GULP1: variants seen among roughly 807,000 people sequenced by gnomAD.
GULP1 encodes GULP PTB domain containing engulfment adaptor 1.
Under a neutral mutation model 40.9 loss-of-function variants are expected in GULP1, and 19 were observed. The ratio of observed to expected loss-of-function variants is 0.46; its 90% CI spans 0.32 to 0.68. The LOEUF is 0.68. Ranked by LOEUF, GULP1 falls within the 30% of genes least tolerant of loss-of-function variation. The pLI is 0.03. For missense variants in GULP1, 312 were observed against 362.2 expected (o/e 0.86, Z 1.12); for synonymous variants, 119 against 117.6 (o/e 1.01, Z -0.08).
intron 2 of GULP1, among the ~76,000 whole-genome samples, chr2:188,474,944 C>T (rs1326608725): frequency 6.6e-6 from 1 of 152,110 alleles, no homozygotes; most frequent in Non-Finnish European, 1.5e-5. Flanking sequence ...AGTCAATTTA[C>T]ATAGAATTGT....
At chr2:188,477,615 C>T (rs2061118257) in intron 2 of GULP1, 44 bp from the exon 3 acceptor site, 1 of 997,836 alleles carries the variant, frequency 1.0e-6, no homozygotes, top group South Asian at 1.5e-5. Context: ...AGAGGTCAGT[C>T]AACAGTCCTT....
intron 6 of GULP1, among the ~76,000 whole-genome samples, chr2:188,535,436 A>C (rs1185626566): frequency 6.6e-6 from 1 of 152,088 alleles, no homozygotes; most frequent in East Asian, 1.9e-4. Context: ...GAGAATATGC[A>C]GTATTTGTTT....
chr2:188,382,747 A>G (rs2049161557), intron 1 of GULP1, among the ~76,000 whole-genome samples: 1 of 152,138 alleles, frequency 6.6e-6, no homozygotes, highest in Non-Finnish European at 1.5e-5. Context: ...TTAGCCGGGC[A>G]TGATGCCACA....
intron 1 of GULP1, among the ~76,000 whole-genome samples, chr2:188,325,385 T>C (rs1305174371): frequency 6.6e-6 from 1 of 152,078 alleles, no homozygotes; most frequent in Non-Finnish European, 1.5e-5. Flanking sequence ...CTGTTGTTAC[T>C]TCATGCCTTG....
chr2:188,481,224 CATTTTCATATATCTAATACCTTCT>C (rs1490034925), intron 3 of GULP1, among the ~76,000 whole-genome samples: 1 of 151,940 alleles, frequency 6.6e-6, no homozygotes, highest in Non-Finnish European at 1.5e-5. Context: ...CATTTCTGCA[CATTTTCATATATCTAATACCTTCT>C]ATGAACACAT....
At chr2:188,416,056 G>C (rs1460158998) in intron 2 of GULP1, among the ~76,000 whole-genome samples, 1 of 152,068 alleles carries the variant, frequency 6.6e-6, no homozygotes, top group Non-Finnish European at 1.5e-5. Context: ...AGAATAAAGT[G>C]GGAATATACT....
intron 7 of GULP1, among the ~76,000 whole-genome samples, chr2:188,543,536 T>C (rs1004550571): frequency 9.9e-5 from 15 of 152,254 alleles, no homozygotes; most frequent in African/African-American, 3.4e-4. Context: ...ATAACACTGA[T>C]ATTATATGTA....
chr2:188,519,952 C>T (rs927202825), intron 4 of GULP1, among the ~76,000 whole-genome samples: 1 of 152,180 alleles, frequency 6.6e-6, no homozygotes, highest in Admixed American at 6.5e-5. Context: ...ATCGTAACCA[C>T]TGCACCTGGC....
intron 1 of GULP1, among the ~76,000 whole-genome samples, chr2:188,307,678 G>A (rs1156938502): frequency 6.6e-6 from 1 of 152,064 alleles, no homozygotes; most frequent in Admixed American, 6.6e-5. Flanking sequence ...GTTTTGATTT[G>A]CATTCTTCTT....
intron 2 of GULP1, among the ~76,000 whole-genome samples, chr2:188,391,488 A>T (rs2152551548): frequency 6.6e-6 from 1 of 152,212 alleles, no homozygotes; most frequent in South Asian, 2.1e-4. Context: ...GAATTTGTTT[A>T]TCAAATCTAG....
At chr2:188,467,540 A>G (rs2060226350) in intron 2 of GULP1, among the ~76,000 whole-genome samples, 2 of 152,074 alleles carry the variant, frequency 1.3e-5, no homozygotes, top group Admixed American at 6.6e-5. Flanking sequence ...GTCATCTAGG[A>G]GAATTTCTCC....
chr2:188,450,086 A>C (rs1159479229), intron 2 of GULP1, among the ~76,000 whole-genome samples: 4 of 152,218 alleles, frequency 2.6e-5, no homozygotes, highest in Non-Finnish European at 5.9e-5. Context: ...TTAATAATGT[A>C]CATGATATGA....
At chr2:188,328,446 A>G (rs1183673056) in intron 1 of GULP1, among the ~76,000 whole-genome samples, 1 of 152,070 alleles carries the variant, frequency 6.6e-6, no homozygotes, top group Non-Finnish European at 1.5e-5. Flanking sequence ...TTAATGCCAT[A>G]TTATCCTGGT....
chr2:188,298,847 C>G (rs10171583), intron 1 of GULP1, among the ~76,000 whole-genome samples: 1 of 152,096 alleles, frequency 6.6e-6, no homozygotes, highest in Non-Finnish European at 1.5e-5. Context: ...AGTAAATGCT[C>G]GGTGCTGCCA....
rs140819277 is a variant in GULP1 at position 188,441,937 on chromosome 2, A to T, written c.-44-35722A>T. 5.5e-3 allele frequency among the ~76,000 whole-genome samples: 844 copies of T among 152,314 alleles called. 4 individuals are homozygous for T. The highest frequency in any genetic ancestry group is 9.4e-3 in the Admixed American group (143 of 15,294). The stretch of plus-strand genomic sequence containing the variant: ...ACATTTTGAGTTAGACTTTGCGTTG[A>T]TGTGTTGACAGTTTAAGACCTTTGG... On this transcript the variant is annotated intron_variant, in intron 2 of 11. Transcript: ENST00000409830.
At chr2:188,338,901 C>T (rs913714621) in intron 1 of GULP1, among the ~76,000 whole-genome samples, 10 of 152,160 alleles carry the variant, frequency 6.6e-5, no homozygotes, top group Non-Finnish European at 4.4e-5. Flanking sequence ...AGTTCTGAAT[C>T]TTCACCAACT....
intron 2 of GULP1, among the ~76,000 whole-genome samples, chr2:188,404,101 C>CT (rs2052705245): frequency 6.6e-6 from 1 of 151,998 alleles, no homozygotes; most frequent in Admixed American, 6.6e-5. Context: ...GCAGAGGAAT[C>CT]TAAGAATCTA....
chr2:188,404,977 C>T (rs971256159), intron 2 of GULP1, among the ~76,000 whole-genome samples: 6 of 152,188 alleles, frequency 3.9e-5, no homozygotes, highest in Non-Finnish European at 7.4e-5. Flanking sequence ...CTCCATCCTC[C>T]AGGCTAGCCC....
At chr2:188,474,354 T>C (rs1023638554) in intron 2 of GULP1, among the ~76,000 whole-genome samples, 4 of 152,158 alleles carry the variant, frequency 2.6e-5, no homozygotes, top group Non-Finnish European at 5.9e-5. Context: ...TCCAGTTTAT[T>C]TGGAGCCCCA....
Sources: allele counts gnomAD v4.1 joint callset (sites outside exome capture counted in the v4.1 genomes callset), GRCh38; gene constraint gnomAD v4.1.1; transcripts MANE v1.5; gene names NCBI Gene and HGNC (gene_info 2026-07-23, HGNC 2026-07-21).